LRRC7: variants seen among roughly 807,000 people sequenced by gnomAD.
LRRC7 encodes leucine rich repeat containing 7.
A neutral mutation model predicts 175.7 loss-of-function variants in LRRC7; 23 were observed. That is an observed-to-expected ratio of 0.13 (90% CI 0.09 to 0.19). The LOEUF is 0.19. Among genes scored for constraint, LRRC7 ranks in the 10% least tolerant of loss-of-function variants. LRRC7 has a pLI of 1.00. For synonymous variants in LRRC7, 685 were observed against 680.9 expected (o/e 1.01, Z -0.09); for missense variants, 1,354 against 1,904.7 (o/e 0.71, Z 5.38).
chr1:69,820,474 C>T (rs183073525), intron 4 of LRRC7, among the ~76,000 whole-genome samples: 35 of 152,190 alleles, frequency 2.3e-4, no homozygotes, highest in Admixed American at 1.4e-3. Flanking sequence ...ACCCATCAAC[C>T]TGTCATCTAC....
intron 1 of LRRC7, among the ~76,000 whole-genome samples, chr1:69,576,631 T>A (rs1406575911): frequency 6.6e-6 from 1 of 152,212 alleles, no homozygotes; most frequent in East Asian, 1.9e-4. Context: ...ACATAACTCC[T>A]TATTAAGGAA....
intron 1 of LRRC7, among the ~76,000 whole-genome samples, chr1:69,643,167 T>C (rs1654493678): frequency 6.6e-6 from 1 of 152,114 alleles, no homozygotes; most frequent in African/African-American, 2.4e-5. Context: ...GATCTTCATC[T>C]GTCTTTTGTT....
Position 69,647,443 on chromosome 1 carries a change from T to C in LRRC7, c.3-30938T>C, listed in dbSNP as rs1030060771. Among the ~76,000 whole-genome samples, 5 of 152,312 alleles carry C rather than the reference T, an allele frequency of 3.3e-5. No individual in the cohort carries two copies. In the South Asian group the frequency reaches 1.0e-3, roughly 32 times the overall value. On this transcript the variant is annotated intron_variant, in intron 1 of 26. Transcript: ENST00000651989. ...CTTACTTTCCTCAACACAGAAGATA[T>C]TTTCAGTTCTAGCAACCATCTTTGT...
chr1:69,612,844 G>A (rs755903244), intron 1 of LRRC7, among the ~76,000 whole-genome samples: 2 of 152,004 alleles, frequency 1.3e-5, no homozygotes, highest in African/African-American at 2.4e-5. Context: ...GAAGCTTAGG[G>A]ATTCAAATAA....
intron 18 of LRRC7, among the ~76,000 whole-genome samples, chr1:70,032,573 C>T (rs770423934): frequency 6.6e-6 from 1 of 152,184 alleles, no homozygotes; most frequent in Non-Finnish European, 1.5e-5. Context: ...TACCAAGATA[C>T]CTGTTCACCA....
intron 6 of LRRC7, among the ~76,000 whole-genome samples, chr1:69,836,583 A>G (rs1434091086): frequency 6.6e-6 from 1 of 151,964 alleles, no homozygotes; most frequent in Non-Finnish European, 1.5e-5. Context: ...ATTGCCTACA[A>G]AAAATATGCT....
At chr1:70,023,023 A>G (rs994310307) in intron 16 of LRRC7, 103 bp from the exon 17 acceptor site, 4 of 1,333,492 alleles carry the variant, frequency 3.0e-6, no homozygotes, top group Non-Finnish European at 3.0e-6. Context: ...TTTTAAATGC[A>G]TAACTCAGAG....
chr1:69,899,697 G>A (rs1034887113), intron 7 of LRRC7, among the ~76,000 whole-genome samples: 11 of 152,160 alleles, frequency 7.2e-5, no homozygotes, highest in Non-Finnish European at 1.6e-4. Flanking sequence ...TTGCCAATGT[G>A]GTAGTTTCAA....
intron 10 of LRRC7, among the ~76,000 whole-genome samples, chr1:69,992,421 G>T (rs1008030766): frequency 3.9e-5 from 6 of 152,080 alleles, no homozygotes; most frequent in Non-Finnish European, 1.5e-5. Flanking sequence ...CAAGTAGAGA[G>T]AAGGAATAGG....
At chr1:69,568,801 A>T (rs544512252) in intron 1 of LRRC7, among the ~76,000 whole-genome samples, 160 bp downstream of exon 1, 1 of 152,158 alleles carries the variant, frequency 6.6e-6, no homozygotes, top group South Asian at 2.1e-4. Context: ...GCGGTGGCCG[A>T]GGGAGGCGGC....
chr1:69,680,588 G>C (rs1393026319), intron 2 of LRRC7, among the ~76,000 whole-genome samples: 1 of 151,584 alleles, frequency 6.6e-6, no homozygotes, highest in Non-Finnish European at 1.5e-5. Context: ...CTCTTGCATA[G>C]AGGTCTTTAT....
At chr1:69,796,691 G>C (rs371866649) in intron 4 of LRRC7, among the ~76,000 whole-genome samples, 1 of 152,092 alleles carries the variant, frequency 6.6e-6, no homozygotes, top group East Asian at 1.9e-4. Context: ...CTACTTGGGA[G>C]GCTGAGGCAG....
intron 2 of LRRC7, among the ~76,000 whole-genome samples, chr1:69,708,687 G>A (rs1664344263): frequency 6.6e-6 from 1 of 152,168 alleles, no homozygotes; most frequent in Non-Finnish European, 1.5e-5. Flanking sequence ...GATCTCATAT[G>A]GGCATGTTCA....
At chr1:69,625,695 G>C (rs1033046037) in intron 1 of LRRC7, among the ~76,000 whole-genome samples, 1 of 151,964 alleles carries the variant, frequency 6.6e-6, no homozygotes. Context: ...GTGGCATGTA[G>C]CATTTCCATT....
intron 7 of LRRC7, among the ~76,000 whole-genome samples, chr1:69,881,072 T>C (rs1193433849): frequency 1.3e-5 from 2 of 152,230 alleles, no homozygotes; most frequent in African/African-American, 4.8e-5. Flanking sequence ...ATATAAAATT[T>C]CTAAAATGTT....
rs116768543 is a variant in LRRC7 at position 69,877,903 on chromosome 1, G to T, written c.647+39620G>T. 4.3e-3 allele frequency among the ~76,000 whole-genome samples: 652 copies of T among 152,168 alleles called. 4 individuals are homozygous for T. Among genetic ancestry groups the T allele is most frequent in the African/African-American group, 0.014 (582 of 41,530 alleles). On this transcript the variant is annotated intron_variant, in intron 7 of 26. Coordinates refer to ENST00000651989, the MANE Select transcript of LRRC7 (RefSeq NM_001370785.2). ...AATAGACATATTTTACTCCTAAAGA[G>T]ACTATGAACACTGGGAAAACAACAC...
At chr1:69,758,008 C>T (rs1670622767) in intron 2 of LRRC7, among the ~76,000 whole-genome samples, 1 of 151,964 alleles carries the variant, frequency 6.6e-6, no homozygotes, top group Admixed American at 6.6e-5. Context: ...TTCTTTTCAT[C>T]CTCGCTGCCA....
At chr1:70,098,085 A>C (rs1477864299) in intron 25 of LRRC7, among the ~76,000 whole-genome samples, 2 of 151,992 alleles carry the variant, frequency 1.3e-5, no homozygotes, top group Non-Finnish European at 2.9e-5. Context: ...CCAACAGTGT[A>C]AAAGTGTTCC....
rs142587750 is a variant in LRRC7, at chr1:69,710,914, T to C, written c.100+32436T>C. Among the ~76,000 whole-genome samples the C allele has an allele frequency of 4.6e-5, 7 of 152,290 alleles. No homozygotes were observed. In the East Asian group the frequency reaches 1.2e-3, roughly 25 times the overall value. On this transcript the variant is annotated intron_variant, in intron 2 of 26. Coordinates refer to ENST00000651989, the MANE Select transcript of LRRC7 (RefSeq NM_001370785.2). ...TTTGGAACTCTCTTTTCCCTTTTAG[T>C]TTATGAAGACATTTATATATAGACT...
Sources: gnomAD v4.1 joint callset for allele counts (sites outside exome capture counted in the v4.1 genomes callset) on GRCh38, gnomAD v4.1.1 for gene constraint, MANE v1.5 for transcripts, NCBI Gene and HGNC (gene_info 2026-07-23, HGNC 2026-07-21) for gene names.